The following CTNND2 variants were observed in gnomAD, a reference collection of about 807,000 sequenced individuals.
CTNND2 encodes the protein catenin delta-2.
In CTNND2, 22 loss-of-function variants were observed where a neutral mutation model predicts 144.4. The ratio of observed to expected loss-of-function variants is 0.15; its 90% confidence interval spans 0.11 to 0.22. The LOEUF is 0.22. Among genes scored for constraint, CTNND2 ranks in the 10% least tolerant of loss-of-function variants. The probability of loss-of-function intolerance (pLI) is 1.00; values close to 1 mark genes in which losing one functional copy is unlikely to be tolerated. For synonymous variants in CTNND2, 751 were observed against 695.6 expected (o/e 1.08, Z -1.25); for missense variants, 1,353 against 1,618.8 (o/e 0.84, Z 2.82).
chr5:11,538,485 A>T (rs1007590149), intron 3 of CTNND2, among the ~76,000 whole-genome samples: 8 of 152,240 alleles, frequency 5.3e-5, no homozygotes, highest in African/African-American at 1.9e-4. Flanking sequence ...TGCTGTATAC[A>T]CAGGGCAAAA....
intron 8 of CTNND2, among the ~76,000 whole-genome samples, chr5:11,363,202 A>T (rs746472679): frequency 6.6e-6 from 1 of 152,108 alleles, no homozygotes; most frequent in Admixed American, 6.5e-5. Context: ...TTAAGTATGG[A>T]TATCTTCCCT....
chr5:11,479,636 T>C (rs1768061203), intron 3 of CTNND2, among the ~76,000 whole-genome samples: 1 of 152,208 alleles, frequency 6.6e-6, no homozygotes, highest in African/African-American at 2.4e-5. Flanking sequence ...AACATTCCCA[T>C]TTCTATGAAA....
chr5:11,424,824 AGAAG>A (rs922759104), intron 3 of CTNND2, among the ~76,000 whole-genome samples: 3 of 152,196 alleles, frequency 2.0e-5, no homozygotes, highest in African/African-American at 7.2e-5. Flanking sequence ...AAGAAAGAAA[AGAAG>A]GAAGGAAGAT....
chr5:11,419,315 C>T (rs540759552), intron 3 of CTNND2, among the ~76,000 whole-genome samples: 96 of 152,120 alleles, frequency 6.3e-4, no homozygotes, highest in Non-Finnish European at 1.1e-3. Context: ...CCCCATGATT[C>T]CTACACTTAG....
chr5:11,533,455 G>A (rs1225959035), intron 3 of CTNND2, among the ~76,000 whole-genome samples: 1 of 152,202 alleles, frequency 6.6e-6, no homozygotes, highest in Non-Finnish European at 1.5e-5. Context: ...TGTGAAGAAT[G>A]AGCCAAAGTC....
rs1235603747 is a variant in CTNND2 at position 11,397,123 on chromosome 5, T to C, written c.520A>G (p.Ser174Gly). ...TCCCCCAGGGCCAGGGTCTGGTTGC[T>C]ATGGTAGCTGGCCGGATACTGGAAA... is the stretch of plus-strand genomic sequence containing the variant. ...GSFQYPASYHSNQTLALGETT... is the reference protein window; with the variant it reads ...GSFQYPASYHGNQTLALGETT... Residue 174 changes from serine (S) to glycine (G), a missense_variant, in exon 6 of 22, where the codon AGC (serine) becomes GGC (glycine). This residue lies in a region of CTNND2 where 708 missense variants were observed against 706.4 expected (regional missense o/e 1.00). Coordinates refer to ENST00000304623, the MANE Select transcript of CTNND2 (RefSeq NM_001332.4). 1 of 1,614,080 alleles carries C rather than the reference T, an allele frequency of 6.2e-7. No homozygotes were observed. Among genetic ancestry groups the C allele is most frequent in the East Asian group, 2.2e-5 (1 of 44,888 alleles).
chr5:11,184,340 C>T (rs1176377655), intron 11 of CTNND2, among the ~76,000 whole-genome samples: 1 of 152,094 alleles, frequency 6.6e-6, no homozygotes, highest in East Asian at 1.9e-4. Context: ...TTTATGTTTG[C>T]TTTTAATTAA....
intron 9 of CTNND2, among the ~76,000 whole-genome samples, chr5:11,337,922 G>A (rs1373598014): frequency 1.3e-5 from 2 of 152,142 alleles, no homozygotes; most frequent in African/African-American, 2.4e-5. Flanking sequence ...CTTTAAATTA[G>A]AGGAAAGATA....
At chr5:11,577,052 G>A (rs1778027276) in intron 2 of CTNND2, among the ~76,000 whole-genome samples, 1 of 152,164 alleles carries the variant, frequency 6.6e-6, no homozygotes, top group Non-Finnish European at 1.5e-5. Flanking sequence ...AATGACCACA[G>A]GGGTGTATTG....
chr5:11,550,718 A>T (rs1373871507), intron 3 of CTNND2, among the ~76,000 whole-genome samples: 1 of 152,218 alleles, frequency 6.6e-6, no homozygotes, highest in African/African-American at 2.4e-5. Flanking sequence ...CAATCTCTGA[A>T]ATTTAACATT....
At chr5:11,440,038 T>G (rs1764133940) in intron 3 of CTNND2, among the ~76,000 whole-genome samples, 1 of 152,016 alleles carries the variant, frequency 6.6e-6, no homozygotes, top group African/African-American at 2.4e-5. Flanking sequence ...GTTATGCAGG[T>G]ACAACTTGCA....
chr5:11,597,055 G>A (rs796551807), intron 2 of CTNND2, among the ~76,000 whole-genome samples: 21 of 152,262 alleles, frequency 1.4e-4, no homozygotes, highest in African/African-American at 4.3e-4. Context: ...AATCTCTGAC[G>A]ATAAAAGGAT....
At chr5:11,391,121 C>A (rs1176780741) in intron 6 of CTNND2, among the ~76,000 whole-genome samples, 2 of 135,008 alleles carry the variant, frequency 1.5e-5, no homozygotes, top group Non-Finnish European at 3.3e-5. Flanking sequence ...AAAGTAAAAG[C>A]AATGACAAAA....
chr5:11,209,416 G>A (rs1738389399), intron 10 of CTNND2, among the ~76,000 whole-genome samples: 1 of 152,290 alleles, frequency 6.6e-6, no homozygotes, highest in African/African-American at 2.4e-5. Flanking sequence ...GAGCTAACGT[G>A]TGATAAAAAG....
chr5:11,098,844 G>T, intron 14 of CTNND2, 96 bp from the exon 15 acceptor site: 1 of 1,151,796 alleles, frequency 8.7e-7, no homozygotes, highest in Non-Finnish European at 1.3e-6. Flanking sequence ...CAAAAGCAGA[G>T]TGCTATCACA....
At chr5:11,708,756 C>T (rs993449975) in intron 2 of CTNND2, among the ~76,000 whole-genome samples, 1 of 152,060 alleles carries the variant, frequency 6.6e-6, no homozygotes, top group African/African-American at 2.4e-5. Context: ...ACATTTAAGG[C>T]AGGGTAAGCA....
intron 1 of CTNND2, among the ~76,000 whole-genome samples, chr5:11,753,408 CTTTCTG>C (rs1409521349): frequency 8.6e-5 from 13 of 151,580 alleles, no homozygotes; most frequent in South Asian, 6.2e-4. Flanking sequence ...TATTAAAAGC[CTTTCTG>C]TATTTATTGA....
intron 9 of CTNND2, among the ~76,000 whole-genome samples, chr5:11,308,420 C>T (rs1287295938): frequency 6.6e-6 from 1 of 151,968 alleles, no homozygotes; most frequent in Non-Finnish European, 1.5e-5. Flanking sequence ...CATAGAATAA[C>T]AAATAGCATG....
chr5:11,884,843 T>C (rs891987623), intron 1 of CTNND2, among the ~76,000 whole-genome samples: 2 of 152,240 alleles, frequency 1.3e-5, no homozygotes, highest in Non-Finnish European at 2.9e-5. Context: ...CTTCTATAAC[T>C]AATTTGTTGA....
Sources: gnomAD v4.1 joint callset for allele counts (sites outside exome capture counted in the v4.1 genomes callset) on GRCh38, gnomAD v4.1.1 for gene constraint, gnomAD v4.1.1 regional missense constraint, MANE v1.5 for transcripts, NCBI Gene and HGNC (gene_info 2026-07-23, HGNC 2026-07-21) for gene names.